Variants in POC1A observed in about 807,000 individuals in gnomAD.
The protein encoded by POC1A is POC1 centriolar protein A.
POC1A carries 34 observed loss-of-function variants against 47.8 expected under a neutral mutation model. That is an observed-to-expected ratio of 0.71 (90% CI 0.54 to 0.95). The LOEUF (loss-of-function observed/expected upper bound fraction) is 0.95, where lower values mean the gene tolerates loss of function less well. Among genes scored for constraint, POC1A ranks in the 40% least tolerant of loss-of-function variants. POC1A has a pLI of 0.00. For missense variants in POC1A, 466 were observed against 528.3 expected (o/e 0.88, Z 1.16); for synonymous variants, 177 against 207.6 (o/e 0.85, Z 1.27).
chr3:52,089,202 T>C (rs1702563431), intron 10 of POC1A, among the ~76,000 whole-genome samples: 1 of 151,984 alleles, frequency 6.6e-6, no homozygotes, highest in Non-Finnish European at 1.5e-5. Context: ...GACCTGCGAC[T>C]TGGGGAAGAC....
chr3:52,094,063 C>T (rs1183334771), intron 10 of POC1A, among the ~76,000 whole-genome samples: 1 of 152,210 alleles, frequency 6.6e-6, no homozygotes, highest in African/African-American at 2.4e-5. Flanking sequence ...CTCTCAAAGG[C>T]CACTCTGAAG....
intron 10 of POC1A, among the ~76,000 whole-genome samples, chr3:52,095,947 A>G (rs1273899564): frequency 6.6e-6 from 1 of 152,240 alleles, no homozygotes; most frequent in African/African-American, 2.4e-5. Context: ...CAGGGCCCAT[A>G]TCCATCTCAG....
chr3:52,104,975 T>C (rs909159641), intron 9 of POC1A, among the ~76,000 whole-genome samples: 2 of 152,256 alleles, frequency 1.3e-5, no homozygotes, highest in African/African-American at 4.8e-5. Context: ...TCTTAACACC[T>C]GCTCAAGGTG....
intron 5 of POC1A, among the ~76,000 whole-genome samples, chr3:52,146,303 T>C (rs1208579911): frequency 6.6e-6 from 1 of 152,244 alleles, no homozygotes; most frequent in Non-Finnish European, 1.5e-5. Flanking sequence ...CAGGGGTGGC[T>C]GCAGGGCAGA....
chr3:52,136,485 C>T (rs1192115144), intron 7 of POC1A, among the ~76,000 whole-genome samples: 1 of 152,200 alleles, frequency 6.6e-6, no homozygotes, highest in African/African-American at 2.4e-5. Context: ...CATTTCCTAT[C>T]CCTGGTGCCC....
intron 9 of POC1A, among the ~76,000 whole-genome samples, chr3:52,097,526 G>A (rs1372709352): frequency 1.3e-5 from 2 of 152,234 alleles, no homozygotes; most frequent in Non-Finnish European, 2.9e-5. Context: ...TGGGCGGGAT[G>A]CTGGAGCCAA....
intron 9 of POC1A, among the ~76,000 whole-genome samples, chr3:52,112,673 C>T (rs1472961169): frequency 6.6e-6 from 1 of 152,104 alleles, no homozygotes. Flanking sequence ...AACAAACAAA[C>T]ACACAAAAAA....
chr3:52,117,267 C>T (rs113151540), intron 9 of POC1A, among the ~76,000 whole-genome samples: 2,305 of 152,118 alleles, frequency 0.015, 57 homozygotes, highest in African/African-American at 0.049. Context: ...ACAGGAGGAT[C>T]GCTTCAGCCT....
At chr3:52,124,103 C>A (rs1703902510) in intron 8 of POC1A, among the ~76,000 whole-genome samples, 1 of 152,188 alleles carries the variant, frequency 6.6e-6, no homozygotes, top group Admixed American at 6.5e-5. Flanking sequence ...TCGTATAGGC[C>A]AATAGGACTT....
At chr3:52,096,021 C>A (rs559102420) in intron 10 of POC1A, among the ~76,000 whole-genome samples, 1 of 152,390 alleles carries the variant, frequency 6.6e-6, no homozygotes, top group Admixed American at 6.5e-5. Context: ...CAGGCATGGG[C>A]CAAACATTTC....
In POC1A at chr3:52,083,086, G is replaced by C. The variant is rs115190044; in HGVS notation, c.1126-7101C>G. On this transcript the variant is annotated intron_variant, in intron 10 of 10. Transcript: ENST00000296484. ...GGTTTATGCAGCTCTGCTGGCCTCTGGGGTGGCTGGGGGGAGAGCCTTAGC... is the reference window on the plus strand; with the variant it reads ...GGTTTATGCAGCTCTGCTGGCCTCTCGGGTGGCTGGGGGGAGAGCCTTAGC... Among the ~76,000 whole-genome samples, 652 of 152,272 alleles carry C rather than the reference G, an allele frequency of 4.3e-3. 5 individuals carry two copies. Among genetic ancestry groups the C allele is most frequent in the South Asian group, 0.016 (75 of 4,824 alleles).
chr3:52,141,399 G>T (rs1401087151), intron 6 of POC1A, among the ~76,000 whole-genome samples: 2 of 152,212 alleles, frequency 1.3e-5, no homozygotes, highest in African/African-American at 4.8e-5. Context: ...TCCACAAAAG[G>T]ACCGCTCATT....
At chr3:52,119,872 G>T (rs1703705878) in intron 9 of POC1A, among the ~76,000 whole-genome samples, 1 of 152,196 alleles carries the variant, frequency 6.6e-6, no homozygotes, top group African/African-American at 2.4e-5. Context: ...AGAAACCCTG[G>T]GTTATTGGGA....
intron 6 of POC1A, among the ~76,000 whole-genome samples, chr3:52,141,142 G>A (rs539022095): frequency 1.3e-5 from 2 of 152,366 alleles, no homozygotes; most frequent in East Asian, 1.9e-4. Flanking sequence ...ACCCAGGGAT[G>A]AGGCCACCAC....
intron 10 of POC1A, among the ~76,000 whole-genome samples, chr3:52,077,035 G>A (rs4687802): frequency 0.092 from 14,046 of 152,334 alleles, 1,306 homozygotes; most frequent in East Asian, 0.36. Context: ...GAGCAAGCCT[G>A]CCCCACTCAT....
At chr3:52,127,931 A>G (rs1398753305) in intron 7 of POC1A, among the ~76,000 whole-genome samples, 1 of 152,144 alleles carries the variant, frequency 6.6e-6, no homozygotes, top group Non-Finnish European at 1.5e-5. Context: ...CCTGGCCTCA[A>G]GTGATCCACC....
chr3:52,109,496 C>CA lies in POC1A; in HGVS notation c.982-12785dup, dbSNP rs376697180. Among the ~76,000 whole-genome samples, 426 of 142,086 alleles carry CA rather than the reference C, an allele frequency of 3.0e-3. 1 individual carries two copies. Among genetic ancestry groups the CA allele is most frequent in the African/African-American group, 8.3e-3 (320 of 38,766 alleles). The allele number at this position is 142,086 out of a possible 152,430, so 93.2% of individuals were successfully genotyped here. ...GTTTTGTTTAATTAAAACAAACAAA[C>CA]AAAAAAAAAAACCTTCCTGGTGACT... On this transcript the variant is annotated intron_variant, in intron 9 of 10. Coordinates refer to ENST00000296484, the MANE Select transcript of POC1A (RefSeq NM_015426.5).
At chr3:52,120,221 C>T (rs1703725443) in intron 9 of POC1A, among the ~76,000 whole-genome samples, 1 of 151,110 alleles carries the variant, frequency 6.6e-6, no homozygotes, top group Non-Finnish European at 1.5e-5. Flanking sequence ...AAATTGCACA[C>T]TTAAAATGGT....
At chr3:52,148,644 G>A (rs887844313) in intron 4 of POC1A, among the ~76,000 whole-genome samples, 12 of 152,340 alleles carry the variant, frequency 7.9e-5, no homozygotes, top group Middle Eastern at 3.4e-3. Context: ...CCCCATCTCC[G>A]AAGCCTGCGC....
Sources: allele counts gnomAD v4.1 joint callset (sites outside exome capture counted in the v4.1 genomes callset), GRCh38; gene constraint gnomAD v4.1.1; transcripts MANE v1.5; gene names NCBI Gene and HGNC (gene_info 2026-07-23, HGNC 2026-07-21).